MRPL58: variants seen among roughly 807,000 people sequenced by gnomAD.
The protein encoded by MRPL58 is mitochondrial ribosomal protein L58.
MRPL58 carries 17 observed loss-of-function variants against 26.0 expected under a neutral mutation model. The ratio of observed to expected loss-of-function variants is 0.65; its 90% CI spans 0.45 to 0.98. The LOEUF (loss-of-function observed/expected upper bound fraction) is 0.98. MRPL58 is among the 50% of genes least tolerant of loss of function. The probability of loss-of-function intolerance (pLI) is 0.00; values close to 1 mark genes in which losing one functional copy is unlikely to be tolerated. For synonymous variants in MRPL58, 100 were observed against 99.7 expected, an observed-to-expected ratio of 1.00 and a Z score of -0.02; for missense variants, 250 against 269.0, an observed-to-expected ratio of 0.93 and a Z score of 0.49.
rs1555637525 is a variant in MRPL58, at chr17:75,017,927, C to CG, written c.223+814dup. 4.5e-5 allele frequency among the ~76,000 whole-genome samples: 4 copies of CG among 88,562 alleles called. No individual in the cohort carries two copies. In the East Asian group the frequency reaches 2.8e-3, roughly 63 times the overall value. The allele number at this position is 88,562 out of a possible 152,430, so 58.1% of individuals were successfully genotyped here. A position where few individuals can be genotyped will look rare whatever the true frequency, so the allele number is the denominator to read the frequency against. ...CGACACAGCGAGACTCTGTCTCAGA[C>CG]GAAAAAAAAAAAATCAGTCATTTCT... is the stretch of plus-strand genomic sequence containing the variant. On this transcript the variant is annotated intron_variant, in intron 2 of 5. Transcript: ENST00000301585.
chr17:75,014,203 T>TTTTTTTC, intron 1 of MRPL58, among the ~76,000 whole-genome samples: 1 of 107,078 alleles, frequency 9.3e-6, no homozygotes, highest in Non-Finnish European at 1.9e-5. Context: ...TTTTTTTTTT[T>TTTTTTTC]GAGACGGAGT....
At chr17:75,016,839 C>T (rs546738647) in intron 1 of MRPL58, among the ~76,000 whole-genome samples, 1 of 152,190 alleles carries the variant, frequency 6.6e-6, no homozygotes, top group Non-Finnish European at 1.5e-5. Context: ...CTAGCTAAGG[C>T]TAGGGCAGGG....
intron 2 of MRPL58, among the ~76,000 whole-genome samples, chr17:75,017,565 A>G (rs1399481554): frequency 6.6e-6 from 1 of 152,152 alleles, no homozygotes; most frequent in East Asian, 1.9e-4. Context: ...CCTGGCCAAC[A>G]TGGCAAAGCC....
chr17:75,017,375 G>A (rs1055809892), intron 2 of MRPL58, among the ~76,000 whole-genome samples: 1 of 152,192 alleles, frequency 6.6e-6, no homozygotes, highest in African/African-American at 2.4e-5. Flanking sequence ...CAATATGGGA[G>A]GCCAAGGTGG....
chr17:75,013,129 C>G (rs9898711), intron 1 of MRPL58, among the ~76,000 whole-genome samples: 8,422 of 152,250 alleles, frequency 0.055, 593 homozygotes, highest in African/African-American at 0.17. Flanking sequence ...TGTCCTTGGC[C>G]CTCAAGACCA....
At chr17:75,013,856 G>A (rs2039951938) in intron 1 of MRPL58, among the ~76,000 whole-genome samples, 1 of 152,196 alleles carries the variant, frequency 6.6e-6, no homozygotes, top group African/African-American at 2.4e-5. Flanking sequence ...GCTGGGGAAA[G>A]GCCTGTTACT....
At chr17:75,019,593 A>C (rs1396531408) in intron 2 of MRPL58, 107 bp from the exon 3 acceptor site, 1 of 1,117,732 alleles carries the variant, frequency 8.9e-7, no homozygotes, top group African/African-American at 1.6e-5. Flanking sequence ...GCAGTTTTTG[A>C]AATTTTCCCA....
At chr17:75,018,570 A>G (rs1313032721) in intron 2 of MRPL58, 1 of 152,096 alleles carries the variant, frequency 6.6e-6, no homozygotes, top group African/African-American at 2.4e-5. Context: ...CTATATTTAT[A>G]TCCCTATCTG....
At chr17:75,014,072 A>G (rs2039953775) in intron 1 of MRPL58, among the ~76,000 whole-genome samples, 1 of 152,144 alleles carries the variant, frequency 6.6e-6, no homozygotes, top group Non-Finnish European at 1.5e-5. Context: ...AGTAGGAGTC[A>G]TGAGAATTGG....
At chr17:75,016,494 C>T (rs980246230) in intron 1 of MRPL58, among the ~76,000 whole-genome samples, 6 of 152,020 alleles carry the variant, frequency 3.9e-5, no homozygotes, top group African/African-American at 9.7e-5. Flanking sequence ...AGAAAAGCCT[C>T]GGAGTGGGTG....
chr17:75,015,090 C>A (rs780641645), intron 1 of MRPL58, among the ~76,000 whole-genome samples: 1 of 152,130 alleles, frequency 6.6e-6, no homozygotes, highest in Non-Finnish European at 1.5e-5. Flanking sequence ...AGGTTTGGGT[C>A]CATTAGACAT....
chr17:75,018,304 T>C (rs993718690), intron 2 of MRPL58, among the ~76,000 whole-genome samples: 1 of 151,868 alleles, frequency 6.6e-6, no homozygotes, highest in African/African-American at 2.4e-5. Flanking sequence ...CGATCTCGGC[T>C]CACTGCAAGT....
At chr17:75,016,399 G>A (rs1195000823) in intron 1 of MRPL58, among the ~76,000 whole-genome samples, 1 of 152,014 alleles carries the variant, frequency 6.6e-6, no homozygotes, top group Non-Finnish European at 1.5e-5. Context: ...CTGGGCTACA[G>A]AGCGAGACTC....
At chr17:75,017,683 G>A (rs1331880999) in intron 2 of MRPL58, among the ~76,000 whole-genome samples, 2 of 152,166 alleles carry the variant, frequency 1.3e-5, no homozygotes, top group Admixed American at 1.3e-4. Context: ...GGAAGGCAGA[G>A]GTTGCAGTGA....
chr17:75,020,417 C>T, intron 4 of MRPL58, 22 bp downstream of exon 4: 1 of 1,613,850 alleles, frequency 6.2e-7, no homozygotes, highest in East Asian at 2.2e-5. Context: ...CCCTTTCTTT[C>T]CCTAGAAATC....
rs138081870 is a variant in MRPL58 at position 75,012,791 on chromosome 17, C to G, written c.105C>G (p.Asp35Glu). Residue 35 changes from aspartate to glutamate, a missense_variant, in exon 1 of 6, where the codon GAC becomes GAG. By Grantham distance (45) the Asp-to-Glu change is conservative. Coordinates refer to ENST00000301585, the MANE Select transcript of MRPL58 (RefSeq NM_001545.3). ...CPRRALHKQKDGTEFKSIYSL... is the reference protein window; with the variant it reads ...CPRRALHKQKEGTEFKSIYSL... Reference sequence around the variant, plus strand: ...GCCGGGCGCTGCACAAGCAGAAAGACGGCACTGAGTTCAAGAGCATCTACA... The same window carrying G: ...GCCGGGCGCTGCACAAGCAGAAAGAGGGCACTGAGTTCAAGAGCATCTACA... The G allele has an allele frequency of 1.2e-6, 2 of 1,610,004 alleles. No individual in the cohort carries two copies. The highest frequency in any genetic ancestry group is 2.2e-5 in the East Asian group (1 of 44,598).
intron 1 of MRPL58, among the ~76,000 whole-genome samples, chr17:75,016,259 A>AC (rs993134754): frequency 5.9e-5 from 9 of 151,830 alleles, no homozygotes; most frequent in African/African-American, 1.7e-4. Context: ...CAAAAAAAAA[A>AC]AACAACAATA....
intron 1 of MRPL58, among the ~76,000 whole-genome samples, chr17:75,015,407 C>T (rs1030007786): frequency 1.3e-5 from 2 of 152,194 alleles, no homozygotes; most frequent in Admixed American, 1.3e-4. Flanking sequence ...TCGCTTGAAC[C>T]CAGGAGGCAG....
chr17:75,016,490 G>T (rs1327433083), intron 1 of MRPL58, among the ~76,000 whole-genome samples: 1 of 152,192 alleles, frequency 6.6e-6, no homozygotes, highest in Non-Finnish European at 1.5e-5. Flanking sequence ...GGCCAGAAAA[G>T]CCTCGGAGTG....
Sources: allele counts gnomAD v4.1 joint callset (sites outside exome capture counted in the v4.1 genomes callset), GRCh38; gene constraint gnomAD v4.1.1; transcripts MANE v1.5; gene names NCBI Gene and HGNC (gene_info 2026-07-23, HGNC 2026-07-21).